Variants in DPH6 observed in about 807,000 individuals in gnomAD.
DPH6 encodes the protein diphthamine biosynthesis 6.
DPH6 carries 33 observed loss-of-function variants against 38.2 expected under a neutral mutation model. The observed-to-expected ratio is 0.86, with a 90% CI of 0.65 to 1.15. The LOEUF is 1.15. Among genes scored for constraint, DPH6 ranks in the 50% most tolerant of loss-of-function variants. DPH6 has a pLI of 0.00. For synonymous variants in DPH6, 108 were observed against 103.0 expected, an observed-to-expected ratio of 1.05 and a Z score of -0.30; for missense variants, 325 against 320.0, an observed-to-expected ratio of 1.02 and a Z score of -0.12.
intron 3 of DPH6, among the ~76,000 whole-genome samples, chr15:35,486,357 C>A (rs1355255418): frequency 6.6e-6 from 1 of 151,840 alleles, no homozygotes; most frequent in African/African-American, 2.4e-5. Context: ...CAACCCATAT[C>A]ACTGGGTGAT....
chr15:35,455,798 A>T (rs2053989163), intron 3 of DPH6, among the ~76,000 whole-genome samples: 1 of 152,212 alleles, frequency 6.6e-6, no homozygotes. Context: ...TAGCCTGTGG[A>T]TGTACAAAAG....
At chr15:35,238,659 C>G (rs117919604) in intron 3 of DPH6, among the ~76,000 whole-genome samples, 1 of 152,192 alleles carries the variant, frequency 6.6e-6, no homozygotes, top group Non-Finnish European at 1.5e-5. Context: ...GCCAAGCCAT[C>G]GCATCCCCTG....
At chr15:35,253,904 A>G (rs973656491) in intron 3 of DPH6, among the ~76,000 whole-genome samples, 1 of 152,224 alleles carries the variant, frequency 6.6e-6, no homozygotes, top group Non-Finnish European at 1.5e-5. Flanking sequence ...ACGGCATCAG[A>G]TCTTTTCCAT....
At chr15:35,145,687 T>C in the DPH6 span, among the ~76,000 whole-genome samples, 5 of 152,244 alleles carry the variant, frequency 3.3e-5, no homozygotes, top group African/African-American at 4.8e-5. Context: ...TGGACAATTA[T>C]TGACTTCACT....
the DPH6 span, among the ~76,000 whole-genome samples, chr15:35,206,243 T>G: frequency 6.6e-6 from 1 of 152,314 alleles, no homozygotes. Flanking sequence ...CCAAACATTT[T>G]GGAGGCTGGT....
At chr15:35,233,869 T>C (rs1190220248) in intron 3 of DPH6, among the ~76,000 whole-genome samples, 1 of 152,244 alleles carries the variant, frequency 6.6e-6, no homozygotes, top group East Asian at 1.9e-4. Flanking sequence ...ATGGCTGGCT[T>C]CTTGTCAATC....
intron 5 of DPH6, among the ~76,000 whole-genome samples, chr15:35,438,441 G>A (rs1164010752): frequency 6.6e-6 from 1 of 152,180 alleles, no homozygotes; most frequent in Non-Finnish European, 1.5e-5. Context: ...TCCTCGTGGA[G>A]CCCCAGGAAT....
chr15:35,292,484 T>C (rs2051986666), intron 3 of DPH6, among the ~76,000 whole-genome samples: 1 of 152,168 alleles, frequency 6.6e-6, no homozygotes, highest in African/African-American at 2.4e-5. Context: ...TTTTCCCTGC[T>C]AAATGTTCAG....
chr15:35,470,372 G>T (rs187360819), intron 3 of DPH6, among the ~76,000 whole-genome samples: 1 of 152,156 alleles, frequency 6.6e-6, no homozygotes, highest in East Asian at 1.9e-4. Context: ...TGAAAAAAAT[G>T]GGGATTTAAA....
chr15:35,257,725 A>T (rs575679210), intron 3 of DPH6, among the ~76,000 whole-genome samples: 1 of 151,652 alleles, frequency 6.6e-6, no homozygotes, highest in African/African-American at 2.4e-5. Flanking sequence ...GTTGTTCAAG[A>T]ATTCCATGCT....
intron 3 of DPH6, among the ~76,000 whole-genome samples, chr15:35,252,884 CA>C (rs1197287563): frequency 1.3e-5 from 2 of 152,176 alleles, no homozygotes; most frequent in South Asian, 4.1e-4. Context: ...TAGAAAACTT[CA>C]GCAACTTTCT....
intron 3 of DPH6, among the ~76,000 whole-genome samples, chr15:35,338,776 C>T (rs1429993311): frequency 1.3e-5 from 2 of 152,156 alleles, no homozygotes; most frequent in African/African-American, 2.4e-5. Context: ...AGACTTGGAA[C>T]CAACTCAAAT....
chr15:35,441,737 C>T (rs1039057671), intron 5 of DPH6, among the ~76,000 whole-genome samples: 2 of 151,998 alleles, frequency 1.3e-5, no homozygotes, highest in Admixed American at 6.6e-5. Flanking sequence ...TGCAGCAAAC[C>T]ACCATGGTAC....
chr15:35,325,900 T>C (rs1261009461), downstream of DPH6, among the ~76,000 whole-genome samples: 2 of 151,592 alleles, frequency 1.3e-5, no homozygotes, highest in African/African-American at 4.8e-5. Context: ...GATAACACAA[T>C]AGAAAAATAG....
At chr15:35,157,127 T>C in the DPH6 span, among the ~76,000 whole-genome samples, 3 of 152,170 alleles carry the variant, frequency 2.0e-5, no homozygotes, top group Non-Finnish European at 4.4e-5. Context: ...TGTTAGGCCT[T>C]AAAAATATTT....
chr15:35,314,452 G>A (rs909697717), intron 3 of DPH6, among the ~76,000 whole-genome samples: 8 of 152,032 alleles, frequency 5.3e-5, no homozygotes, highest in Non-Finnish European at 8.8e-5. Flanking sequence ...CTTCAAAATC[G>A]GTCATAAAGC....
chr15:35,160,814 C>CCT, the DPH6 span, among the ~76,000 whole-genome samples: 3 of 151,646 alleles, frequency 2.0e-5, no homozygotes, highest in African/African-American at 4.8e-5. Context: ...TCTGTCTCTC[C>CCT]CTCTCTCTCT....
At chr15:35,459,452 A>G (rs910611293) in intron 3 of DPH6, among the ~76,000 whole-genome samples, 12 of 152,164 alleles carry the variant, frequency 7.9e-5, no homozygotes, top group Admixed American at 5.2e-4. Context: ...AAATACCATC[A>G]CATGTGAGGC....
rs139976755 is a variant in DPH6, at chr15:35,299,638, C to T, written n.200+73883G>A. Among the ~76,000 whole-genome samples the T allele has an allele frequency of 2.9e-3, 439 of 152,306 alleles. 2 individuals are homozygous for T. The highest frequency in any genetic ancestry group is 4.8e-3 in the Admixed American group (73 of 15,304). ...TCTCTAACATGTTCTTTCTCACTCA[C>T]TATGTTTCCCCATTCCTAACTCCTT... is the stretch of plus-strand genomic sequence containing the variant. On this transcript the variant is annotated intron_variant and non_coding_transcript_variant, in intron 3 of 3. Coordinates refer to the DPH6 transcript ENST00000560386.
Sources: gnomAD v4.1 joint callset for allele counts (sites outside exome capture counted in the v4.1 genomes callset) on GRCh38, gnomAD v4.1.1 for gene constraint, MANE v1.5 for transcripts, NCBI Gene and HGNC (gene_info 2026-07-23, HGNC 2026-07-21) for gene names.